NALF1: variants seen among roughly 807,000 people sequenced by gnomAD.
The protein encoded by NALF1 is NALCN channel auxiliary factor 1.
Under a neutral mutation model 48.4 loss-of-function variants are expected in NALF1, and 3 were observed. That is an observed-to-expected ratio of 0.06 (90% CI 0.03 to 0.16). NALF1 has a LOEUF of 0.16. Among genes scored for constraint, NALF1 ranks in the 10% least tolerant of loss-of-function variants. The pLI, the probability that NALF1 is intolerant of heterozygous loss-of-function variation, is 1.00. For synonymous variants in NALF1, 262 were observed against 245.7 expected (o/e 1.07, Z -0.62); for missense variants, 526 against 571.5 (o/e 0.92, Z 0.81).
intron 1 of NALF1, among the ~76,000 whole-genome samples, chr13:107,365,046 C>T (rs1291029104): frequency 6.8e-5 from 9 of 132,128 alleles, no homozygotes; most frequent in Admixed American, 2.3e-4. Flanking sequence ...TCCTCCTTCT[C>T]TCTCTCCCTC....
At chr13:107,448,914 T>G (rs1300712273) in intron 1 of NALF1, among the ~76,000 whole-genome samples, 5 of 152,148 alleles carry the variant, frequency 3.3e-5, no homozygotes, top group Non-Finnish European at 5.9e-5. Flanking sequence ...CCAAATGCCA[T>G]GTAACTCTCC....
In NALF1 at chr13:107,354,845, C is replaced by A. The variant is rs1026182230; in HGVS notation, c.916-144090G>T. 3.3e-5 allele frequency among the ~76,000 whole-genome samples: 5 copies of A among 152,154 alleles called. No individual in the cohort carries two copies. In the East Asian group the frequency reaches 9.7e-4, roughly 29 times the overall value. On this transcript the variant is annotated intron_variant, in intron 1 of 2. Transcript: ENST00000375915. ...AAAAGCCCCTGATAAATTTGGCTTC[C>A]CATCTGCAATGGCATGAGGTCCAGC...
chr13:107,793,260 G>A (rs773792718), intron 1 of NALF1, among the ~76,000 whole-genome samples: 31 of 152,052 alleles, frequency 2.0e-4, no homozygotes, highest in Admixed American at 6.6e-4. Flanking sequence ...ATATTATGCC[G>A]CAATGCCATT....
chr13:107,459,771 C>T (rs1163025596), intron 1 of NALF1, among the ~76,000 whole-genome samples: 1 of 152,130 alleles, frequency 6.6e-6, no homozygotes, highest in East Asian at 1.9e-4. Context: ...GTCAGGGTCT[C>T]TCTGTGTCTC....
intron 1 of NALF1, among the ~76,000 whole-genome samples, chr13:107,264,424 T>G (rs1425303848): frequency 6.6e-6 from 1 of 152,236 alleles, no homozygotes; most frequent in Non-Finnish European, 1.5e-5. Context: ...CCTTCATAGC[T>G]ACTGCTATTG....
chr13:107,471,652 C>G, intron 1 of NALF1, among the ~76,000 whole-genome samples: 1 of 152,058 alleles, frequency 6.6e-6, no homozygotes, highest in Non-Finnish European at 1.5e-5. Context: ...CTATAGAAAC[C>G]TCAAAAATAA....
Position 107,349,739 on chromosome 13 carries a change from C to CAAAA in NALF1, c.916-138988_916-138985dup, listed in dbSNP as rs35813555. Among the ~76,000 whole-genome samples the CAAAA allele has an allele frequency of 1.5e-3, 153 of 99,200 alleles. 1 individual carries two copies. The highest frequency in any genetic ancestry group is 2.7e-3 in the African/African-American group (74 of 27,808). 65.1% of individuals were successfully genotyped at this position (99,200 alleles called of 152,430 possible). Reference sequence around the variant, plus strand: ...CTGGCGACAGAGCGAGAATACGTCTCAAAAAAAAAAAAAAAAGAAACTGAG... The same window carrying CAAAA: ...CTGGCGACAGAGCGAGAATACGTCTCAAAAAAAAAAAAAAAAAAAAGAAACTGAG... On this transcript the variant is annotated intron_variant, in intron 1 of 2. Transcript: ENST00000375915.
intron 1 of NALF1, among the ~76,000 whole-genome samples, chr13:107,727,465 A>G (rs1399409742): frequency 1.3e-5 from 2 of 152,026 alleles, no homozygotes; most frequent in South Asian, 4.1e-4. Flanking sequence ...ATGACAACCC[A>G]TACTCTGTGG....
chr13:107,510,745 T>C (rs1303411832), intron 1 of NALF1, among the ~76,000 whole-genome samples: 2 of 152,108 alleles, frequency 1.3e-5, no homozygotes, highest in Admixed American at 6.5e-5. Context: ...TCTGTGACCA[T>C]GATGGACCAC....
intron 1 of NALF1, among the ~76,000 whole-genome samples, chr13:107,450,941 T>C (rs1008223005): frequency 1.2e-4 from 19 of 152,306 alleles, no homozygotes; most frequent in African/African-American, 4.3e-4. Flanking sequence ...GATGTTTCCA[T>C]CCCTGATTTT....
intron 1 of NALF1, among the ~76,000 whole-genome samples, chr13:107,677,928 G>C (rs1362174861): frequency 1.3e-5 from 2 of 152,302 alleles, no homozygotes; most frequent in African/African-American, 4.8e-5. Flanking sequence ...GTTTAGAGAG[G>C]CAGCTTCTTA....
chr13:107,451,811 C>G (rs1347613091), intron 1 of NALF1, among the ~76,000 whole-genome samples: 3 of 152,172 alleles, frequency 2.0e-5, no homozygotes, highest in Admixed American at 6.5e-5. Context: ...GATACTTCTG[C>G]TCTACTAAGA....
At chr13:107,702,854 T>C (rs111710999) in intron 1 of NALF1, among the ~76,000 whole-genome samples, 2 of 152,142 alleles carry the variant, frequency 1.3e-5, no homozygotes, top group Admixed American at 6.5e-5. Context: ...GCTCCATCCA[T>C]GTCCCTGCAA....
intron 1 of NALF1, among the ~76,000 whole-genome samples, chr13:107,707,356 T>C (rs555001069): frequency 7.2e-5 from 11 of 152,348 alleles, no homozygotes; most frequent in African/African-American, 2.6e-4. Flanking sequence ...GGGATTTAAG[T>C]AGATTTTATG....
chr13:107,568,876 C>T (rs1342460409), intron 1 of NALF1, among the ~76,000 whole-genome samples: 2 of 152,018 alleles, frequency 1.3e-5, no homozygotes, highest in South Asian at 2.1e-4. Flanking sequence ...TATTTTCTTC[C>T]AGTCTGTGAT....
intron 1 of NALF1, among the ~76,000 whole-genome samples, chr13:107,797,663 T>C (rs1024044271): frequency 6.6e-6 from 1 of 152,210 alleles, no homozygotes; most frequent in South Asian, 2.1e-4. Context: ...CCAGTCTGGT[T>C]GAAGAATGAA....
intron 1 of NALF1, among the ~76,000 whole-genome samples, chr13:107,325,887 T>TATACACACACACAC (rs752320518): frequency 1.7e-5 from 1 of 58,878 alleles, no homozygotes; most frequent in African/African-American, 5.3e-5. Flanking sequence ...TATATATATA[T>TATACACACACACAC]ACACACACAC....
At chr13:107,659,345 A>T (rs887738726) in intron 1 of NALF1, among the ~76,000 whole-genome samples, 2 of 152,126 alleles carry the variant, frequency 1.3e-5, no homozygotes, top group Non-Finnish European at 2.9e-5. Context: ...CTGCCTTATC[A>T]GTGGAGTGTC....
At position 107,369,352 on chromosome 13, in the gene NALF1, T is replaced by A. The variant is rs78958829; in HGVS notation, c.916-158597A>T. 8.4e-3 allele frequency among the ~76,000 whole-genome samples: 1,283 copies of A among 152,246 alleles called. 23 individuals carry two copies. Among genetic ancestry groups the A allele is most frequent in the African/African-American group, 0.028 (1,182 of 41,550 alleles). The stretch of plus-strand genomic sequence containing the variant: ...TTTAGGTGATTTAAATACACATAAA[T>A]GAAAAAATAGAATTGCCTATGTCAA... On this transcript the variant is annotated intron_variant, in intron 1 of 2. Transcript: ENST00000375915.
Sources: gnomAD v4.1 joint callset for allele counts (sites outside exome capture counted in the v4.1 genomes callset) on GRCh38, gnomAD v4.1.1 for gene constraint, MANE v1.5 for transcripts, NCBI Gene and HGNC (gene_info 2026-07-23, HGNC 2026-07-21) for gene names.